SLC1A1: variants seen among roughly 807,000 people sequenced by gnomAD.
The protein encoded by SLC1A1 is solute carrier family 1 member 1.
Under a neutral mutation model 53.3 loss-of-function variants are expected in SLC1A1, and 43 were observed. That is an observed-to-expected ratio of 0.81 (90% CI 0.63 to 1.04). SLC1A1 has a LOEUF of 1.04. Among genes scored for constraint, SLC1A1 ranks in the 50% least tolerant of loss-of-function variants. The pLI is 0.00. For synonymous variants in SLC1A1, 307 were observed against 243.2 expected (o/e 1.26, Z -2.44); for missense variants, 748 against 664.9 (o/e 1.12, Z -1.37).
chr9:4,502,035 C>T (rs1261620207), intron 1 of SLC1A1, among the ~76,000 whole-genome samples: 1 of 151,618 alleles, frequency 6.6e-6, no homozygotes. Flanking sequence ...TGTTCAACTT[C>T]TGTGGGTATC....
intron 1 of SLC1A1, among the ~76,000 whole-genome samples, chr9:4,491,529 G>A (rs1290856425): frequency 6.6e-6 from 1 of 152,250 alleles, no homozygotes; most frequent in Non-Finnish European, 1.5e-5. Flanking sequence ...TTTTAAACAA[G>A]GGTGTATTTA....
chr9:4,569,095 T>C (rs566934939), intron 6 of SLC1A1, among the ~76,000 whole-genome samples: 26 of 152,150 alleles, frequency 1.7e-4, no homozygotes, highest in South Asian at 4.2e-4. Flanking sequence ...AAGAGCCCTG[T>C]TGCCTCTACC....
At chr9:4,557,880 GC>G (rs1398122340) in intron 2 of SLC1A1, among the ~76,000 whole-genome samples, 3 of 152,178 alleles carry the variant, frequency 2.0e-5, no homozygotes, top group African/African-American at 7.2e-5. Context: ...TGAGATCCCA[GC>G]TCTACCACTC....
rs193010010 is a variant in SLC1A1, at chr9:4,522,330, T to C, written c.92-22237T>C. On this transcript the variant is annotated intron_variant, in intron 1 of 11. Transcript: ENST00000262352. ...CCTCCCAAAGTGCTGGGATTACAGG[T>C]GTGAGCCACCACGCCTGGCCTGAAC... 9.8e-4 allele frequency among the ~76,000 whole-genome samples: 149 copies of C among 152,096 alleles called. 3 individuals are homozygous for C. In the East Asian group the frequency reaches 0.027, roughly 27 times the overall value.
chr9:4,549,368 G>C lies in SLC1A1; in HGVS notation c.232+4661G>C, dbSNP rs376764882. ...CCTCCATCCTAAGACAGGAGCAGAA[G>C]CTTAATTCTCCAAAGTGCAGCTGAG... On this transcript the variant is annotated intron_variant, in intron 2 of 11. Coordinates refer to ENST00000262352, the MANE Select transcript of SLC1A1 (RefSeq NM_004170.6). The surrounding 1 kb of genome is among the most constrained non-coding windows in gnomAD (Gnocchi z 4.1). Among the ~76,000 whole-genome samples, 32 of 152,270 alleles carry C rather than the reference G, an allele frequency of 2.1e-4. No homozygotes were observed. The highest frequency in any genetic ancestry group is 7.2e-4 in the African/African-American group (30 of 41,554).
intron 4 of SLC1A1, among the ~76,000 whole-genome samples, chr9:4,565,782 T>G (rs1395073813): frequency 6.6e-6 from 1 of 152,178 alleles, no homozygotes. Flanking sequence ...CTCTTGACTG[T>G]GAGTGTCCAT....
rs890164976 is a variant in SLC1A1 at position 4,587,345 on chromosome 9, G to C, written c.*1787G>C. ...ATTAGTGGCACTAGTTGGCAGAGCT[G>C]TTCATGAGCTGCCAGTTATCATTTT... is the stretch of plus-strand genomic sequence containing the variant. On this transcript the variant is annotated 3_prime_UTR_variant, in exon 12 of 12. Transcript: ENST00000262352. The C allele has an allele frequency of 1.3e-5, 2 of 152,208 alleles. No homozygotes were observed. The highest frequency in any genetic ancestry group is 2.9e-5 in the Non-Finnish European group (2 of 68,026). 9.4% of individuals were successfully genotyped at this position (152,208 alleles called of 1,614,324 possible). A position where few individuals can be genotyped will look rare whatever the true frequency, so the allele number is the denominator to read the frequency against.
chr9:4,523,311 G>T (rs984678187), intron 1 of SLC1A1, among the ~76,000 whole-genome samples: 9 of 151,246 alleles, frequency 6.0e-5, no homozygotes, highest in South Asian at 4.2e-4. Context: ...AAGTTATTGA[G>T]TCACATTGGA....
intron 1 of SLC1A1, among the ~76,000 whole-genome samples, chr9:4,533,517 T>C (rs940249545): frequency 1.3e-5 from 2 of 152,298 alleles, no homozygotes; most frequent in African/African-American, 4.8e-5. Flanking sequence ...GAGCTAACTA[T>C]CCTAAATATA....
intron 6 of SLC1A1, among the ~76,000 whole-genome samples, chr9:4,571,191 T>C (rs754025106): frequency 6.6e-6 from 1 of 151,962 alleles, no homozygotes; most frequent in Non-Finnish European, 1.5e-5. Context: ...TGAGAACACA[T>C]GGACACATAG....
Position 4,574,010 on chromosome 9 carries a change from A to G in SLC1A1, c.871A>G (p.Thr291Ala), listed in dbSNP as rs1336317562. ...KLGLYMATVL[T>A]GLAIHSIVIL... ...GGGCCTTTACATGGCCACAGTCCTG[A>G]CTGGGTATGTCAGACTCAAGAGAAG... Residue 291 changes from threonine to alanine, a missense_variant, in exon 8 of 12, where the codon ACT becomes GCT. Coordinates refer to ENST00000262352, the MANE Select transcript of SLC1A1 (RefSeq NM_004170.6). The G allele has an allele frequency of 6.3e-7, 1 of 1,599,094 alleles. No homozygotes were observed. The highest frequency in any genetic ancestry group is 1.7e-5 in the Admixed American group (1 of 60,018).
chr9:4,583,200 G>C lies in SLC1A1; in HGVS notation c.1328+28G>C. ...GAGTTGGAATAAATGCACTGCCTTA[G>C]CTGGATGTGCAGGCGGGCTTCCCAG... On this transcript the variant is annotated intron_variant, in intron 11 of 11. Coordinates refer to ENST00000262352, the MANE Select transcript of SLC1A1 (RefSeq NM_004170.6). This position sits in a 1 kb window ranked among gnomAD's most constrained non-coding sequence, Gnocchi z 4.6. 6.2e-7 allele frequency: 1 copy of C among 1,613,870 alleles called. No homozygotes were observed. The highest frequency in any genetic ancestry group is 8.5e-7 in the Non-Finnish European group (1 of 1,179,756).
At position 4,537,599 on chromosome 9, in the gene SLC1A1, A is replaced by AT. The variant is rs1554679420; in HGVS notation, c.92-6968_92-6967insT. ...AAAATAAAATAAAATAAAATAAAAT[A>AT]AAAAAAAAAAAAATCACATGCTACA... On this transcript the variant is annotated intron_variant, in intron 1 of 11. Coordinates refer to ENST00000262352, the MANE Select transcript of SLC1A1 (RefSeq NM_004170.6). Among the ~76,000 whole-genome samples, 20 of 28,240 alleles carry AT rather than the reference A, an allele frequency of 7.1e-4. 6 individuals carry two copies. The highest frequency in any genetic ancestry group is 3.0e-3 in the African/African-American group (15 of 4,942). 18.5% of individuals were successfully genotyped at this position (28,240 alleles called of 152,430 possible).
chr9:4,541,962 T>C (rs1817050958), intron 1 of SLC1A1, among the ~76,000 whole-genome samples: 1 of 152,166 alleles, frequency 6.6e-6, no homozygotes, highest in Non-Finnish European at 1.5e-5. Context: ...GAAAATCTTC[T>C]GGTGATTTTC....
chr9:4,578,476 G>T (rs1485240559), intron 10 of SLC1A1, among the ~76,000 whole-genome samples: 1 of 152,136 alleles, frequency 6.6e-6, no homozygotes, highest in Admixed American at 6.5e-5. Flanking sequence ...AAGGACTGAG[G>T]CTTGGAAAAA....
At chr9:4,544,729 T>C in intron 2 of SLC1A1, 22 bp downstream of exon 2, 4 of 1,592,112 alleles carry the variant, frequency 2.5e-6, no homozygotes, top group South Asian at 1.1e-5. Context: ...AAACAGATGT[T>C]CTCTATATTA....
intron 2 of SLC1A1, among the ~76,000 whole-genome samples, chr9:4,555,656 G>A (rs757875055): frequency 6.6e-6 from 1 of 152,128 alleles, no homozygotes; most frequent in Non-Finnish European, 1.5e-5. Flanking sequence ...GGCCACAGCC[G>A]AGCCTCAAAA....
intron 1 of SLC1A1, among the ~76,000 whole-genome samples, chr9:4,524,847 C>T (rs979634079): frequency 6.6e-6 from 1 of 152,136 alleles, no homozygotes; most frequent in Non-Finnish European, 1.5e-5. Context: ...TAATCCATTC[C>T]CATGAGAACT....
chr9:4,500,934 C>A (rs1341884442), intron 1 of SLC1A1, among the ~76,000 whole-genome samples: 2 of 152,148 alleles, frequency 1.3e-5, no homozygotes, highest in Non-Finnish European at 2.9e-5. Flanking sequence ...TATGTGAGCT[C>A]CGGGCAGCGG....
Sources: allele counts gnomAD v4.1 joint callset (sites outside exome capture counted in the v4.1 genomes callset), GRCh38; gene constraint gnomAD v4.1.1; non-coding constraint Gnocchi (gnomAD v3.1); transcripts MANE v1.5; gene names NCBI Gene and HGNC (gene_info 2026-07-23, HGNC 2026-07-21).